SEMA4C: variants seen among roughly 807,000 people sequenced by gnomAD.
The protein encoded by SEMA4C is semaphorin-4C.
A neutral mutation model predicts 89.0 loss-of-function variants in SEMA4C; 19 were observed. The observed-to-expected ratio is 0.21, with a 90% CI of 0.15 to 0.31. The LOEUF (loss-of-function observed/expected upper bound fraction) is 0.31. SEMA4C is among the 10% of genes least tolerant of loss of function. The probability of loss-of-function intolerance (pLI) is 1.00; values close to 1 mark genes in which losing one functional copy is unlikely to be tolerated. For missense variants in SEMA4C, 811 were observed against 1,107.0 expected (o/e 0.73, Z 3.79); for synonymous variants, 428 against 472.7 (o/e 0.91, Z 1.23).
rs142388264 is a variant in SEMA4C, at chr2:96,865,011, C to T, written c.739G>A (p.Asp247Asn). ...GCCACCACCTGCTCGGCATAGCAGT[C>T]GGACTCCACTGCCCGCTCCCTGAAG... The part of the protein sequence containing the change: ...FFFRERAVES[D>N]CYAEQVVARV... Residue 247 changes from aspartate to asparagine, a missense_variant, in exon 8 of 15, where the codon GAC becomes AAC. Asp to Asn is a conservative substitution (Grantham distance 23). Around this residue, in one of 4 missense-constraint regions of SEMA4C, gnomAD observed 441 missense variants for 664.9 expected, o/e 0.66. Coordinates refer to ENST00000305476, the MANE Select transcript of SEMA4C (RefSeq NM_017789.5). 105 of 1,560,900 alleles carry T rather than the reference C, an allele frequency of 6.7e-5. No homozygotes were observed. Among genetic ancestry groups the T allele is most frequent in the Middle Eastern group, 1.7e-4 (1 of 6,024 alleles).
chr2:96,869,484 G>A (rs1045769006), intron 1 of SEMA4C: 587 of 985,200 alleles, frequency 6.0e-4, no homozygotes, highest in Non-Finnish European at 6.9e-4. Flanking sequence ...GCGGGCGGGG[G>A]GCCGCGGCAG....
chr2:96,868,842 C>A, intron 1 of SEMA4C: 9 of 985,398 alleles, frequency 9.1e-6, no homozygotes, highest in Non-Finnish European at 1.1e-5. Context: ...CTCTGACGAA[C>A]CTTCCCAACT....
chr2:96,869,641 T>G, intron 1 of SEMA4C: 1 of 984,878 alleles, frequency 1.0e-6, no homozygotes, highest in Non-Finnish European at 1.2e-6. Flanking sequence ...GGCGCGCCCC[T>G]CCGGCCCCGG....
intron 2 of SEMA4C, 167 bp from the exon 3 acceptor site, chr2:96,866,598 C>T (rs1224053861): frequency 3.3e-6 from 3 of 911,672 alleles, no homozygotes; most frequent in South Asian, 1.4e-5. Context: ...GACAGCCCCA[C>T]CTGGGCCTCC....
rs767572658 is a variant in SEMA4C, at chr2:96,864,947, G to A, written c.786+17C>T. On this transcript the variant is annotated intron_variant, in intron 8 of 14. Transcript: ENST00000305476. This position sits in a 1 kb window ranked among gnomAD's most constrained non-coding sequence, Gnocchi z 6.3. ...GCCAGCAGGGCTCCCAGGGCCCACC[G>A]CTGTGAGACTCGGTACCTTGCAGAC... 5 of 1,600,908 alleles carry A rather than the reference G, an allele frequency of 3.1e-6. No homozygotes were observed. The highest frequency in any genetic ancestry group is 2.3e-5 in the East Asian group (1 of 44,182).
chr2:96,869,498 A>T (rs1574159339), intron 1 of SEMA4C: 1 of 985,156 alleles, frequency 1.0e-6, no homozygotes, highest in Non-Finnish European at 1.2e-6. Context: ...GCGGCAGGGA[A>T]ATCCGATCCC....
At position 96,860,288 on chromosome 2, in the gene SEMA4C, G is replaced by GCACACA; in HGVS notation, c.*332_*337dup. ...CTATGCCACAAGCGCGCACGCGCGT[G>GCACACA]CACACACACATACACACACACACAA... On this transcript the variant is annotated 3_prime_UTR_variant, in exon 15 of 15. Coordinates refer to ENST00000305476, the MANE Select transcript of SEMA4C (RefSeq NM_017789.5). The GCACACA allele has an allele frequency of 3.3e-6, 1 of 299,838 alleles. No homozygotes were observed. Among genetic ancestry groups the GCACACA allele is most frequent in the Admixed American group, 4.9e-5 (1 of 20,442 alleles). 18.6% of individuals were successfully genotyped at this position (299,838 alleles called of 1,614,324 possible). A position where few individuals can be genotyped will look rare whatever the true frequency, so the allele number is the denominator to read the frequency against.
At position 96,861,490 on chromosome 2, in the gene SEMA4C, G is replaced by A. The variant is rs766602272; in HGVS notation, c.1673-35C>T. ...CAGAGAAAACAGAGTGCATGTTAGT[G>A]CAGGAAAGCAGGGCTGGGGAAGAGG... On this transcript the variant is annotated intron_variant, in intron 14 of 14. Coordinates refer to ENST00000305476, the MANE Select transcript of SEMA4C (RefSeq NM_017789.5). The surrounding 1 kb of genome is among the most constrained non-coding windows in gnomAD (Gnocchi z 7.8). 40 of 1,610,234 alleles carry A rather than the reference G, an allele frequency of 2.5e-5. No individual in the cohort carries two copies. The Middle Eastern group carries it at 4.9e-4, about 20-fold the overall frequency.
chr2:96,864,167 G>GGGC lies in SEMA4C; in HGVS notation c.1108-22_1108-20dup, dbSNP rs762949622. On this transcript the variant is annotated intron_variant, in intron 10 of 14. Coordinates refer to ENST00000305476, the MANE Select transcript of SEMA4C (RefSeq NM_017789.5). The surrounding 1 kb of genome is among the most constrained non-coding windows in gnomAD (Gnocchi z 6.3). ...TAATGCACTGGGGGCAGGGTGTGGG[G>GGGC]GGCAGGCCATCAGCAGGGTGGGATG... 6.2e-7 allele frequency: 1 copy of GGGC among 1,612,744 alleles called. No individual in the cohort carries two copies. Among genetic ancestry groups the GGGC allele is most frequent in the Admixed American group, 1.7e-5 (1 of 60,022 alleles).
At chr2:96,863,297 C>T in intron 12 of SEMA4C, 5 of 1,025,358 alleles carry the variant, frequency 4.9e-6, no homozygotes, top group Non-Finnish European at 5.9e-6. Flanking sequence ...GAAGGAAAAC[C>T]ACCATGGTGA....
At chr2:96,866,533 C>G in intron 2 of SEMA4C, 102 bp from the exon 3 acceptor site, 2 of 1,494,268 alleles carry the variant, frequency 1.3e-6, no homozygotes, top group Non-Finnish European at 9.3e-7. Flanking sequence ...AAGCAGATGC[C>G]AGCCAAACCC....
chr2:96,866,183 T>A, intron 3 of SEMA4C, 100 bp downstream of exon 3: 1 of 1,487,792 alleles, frequency 6.7e-7, no homozygotes, highest in Non-Finnish European at 9.0e-7. Context: ...GCAGCACTTC[T>A]GTGGGGGCAG....
rs1269702867 is a variant in SEMA4C at position 96,866,316 on chromosome 2, G to A, written c.225C>T (p.Ala75=). Residue 75 remains alanine (A), a synonymous_variant, in exon 3 of 15, where the codon GCC becomes GCT. Transcript: ENST00000305476. ...GCAGCTCCAGGGCCTCCATGCTGAA[G>A]GCAAACAGGGCCTCTCGGGCGCCCA... ...LYVGAREALF[A]FSMEALELQG... 2.5e-6 allele frequency: 4 copies of A among 1,612,722 alleles called. No individual in the cohort carries two copies. The highest frequency in any genetic ancestry group is 2.5e-6 in the Non-Finnish European group (3 of 1,179,006).
At position 96,860,383 on chromosome 2, in the gene SEMA4C, C is replaced by A. The variant is rs1001746850; in HGVS notation, c.*243G>T. 4 of 512,486 alleles carry A rather than the reference C, an allele frequency of 7.8e-6. No homozygotes were observed. The highest frequency in any genetic ancestry group is 1.4e-5 in the Non-Finnish European group (4 of 291,928). 31.7% of individuals were successfully genotyped at this position (512,486 alleles called of 1,614,324 possible). A position where few individuals can be genotyped will look rare whatever the true frequency, so the allele number is the denominator to read the frequency against. ...CTTGAAAAGTTTTGGCGGCTGGGGT[C>A]CCGCGTGTCTGTGATTCACAGAGAG... On this transcript the variant is annotated 3_prime_UTR_variant, in exon 15 of 15. Coordinates refer to ENST00000305476, the MANE Select transcript of SEMA4C (RefSeq NM_017789.5).
chr2:96,864,348 G>C lies in SEMA4C; in HGVS notation c.997C>G (p.Gln333Glu). ...AACACCCGCTGGATCTCTTCCAACT[G>C]GTACTCACAGATGGCCGACAGGTAC... ...DMYLSAICEY[Q>E]LEEIQRVFEG... Residue 333 changes from glutamine to glutamate, a missense_variant, in exon 10 of 15, where the codon CAG (glutamine) becomes GAG (glutamate). Transcript: ENST00000305476. The surrounding 1 kb of genome is among the most constrained non-coding windows in gnomAD (Gnocchi z 6.3). 1 of 1,613,908 alleles carries C rather than the reference G, an allele frequency of 6.2e-7. No homozygotes were observed. Among genetic ancestry groups the C allele is most frequent in the Non-Finnish European group, 8.5e-7 (1 of 1,180,010 alleles).
At chr2:96,868,320 C>T (rs996994187) in intron 1 of SEMA4C, 2 of 714,564 alleles carry the variant, frequency 2.8e-6, no homozygotes, top group Non-Finnish European at 3.6e-6. Flanking sequence ...ACTGGGGCTC[C>T]GGACCCTGCC....
intron 1 of SEMA4C, 193 bp downstream of exon 1, chr2:96,869,683 C>T (rs2080164630): frequency 2.0e-6 from 2 of 985,202 alleles, no homozygotes; most frequent in Admixed American, 6.1e-5. Context: ...GTGCGCCCCA[C>T]TCCCGAGACC....
chr2:96,860,733 G>A lies in SEMA4C; in HGVS notation c.2395C>T (p.Arg799Trp), dbSNP rs758051087. 5.6e-6 allele frequency: 9 copies of A among 1,613,662 alleles called. No homozygotes were observed. Among genetic ancestry groups the A allele is most frequent in the Admixed American group, 3.3e-5 (2 of 60,000 alleles). Residue 799 changes from arginine to tryptophan, a missense_variant, in exon 15 of 15, where the codon CGG (arginine) becomes TGG (tryptophan). By Grantham distance (101) the Arg-to-Trp change is moderately radical. Transcript: ENST00000305476. ...GGCAGGGGGTGCCCGAGCCCTCCCC[G>A]GTCCTCCCCTCCTAGTTGTAAGCGC... Reference protein sequence around the residue: ...YVRLQLGGEDRGGLGHPLPEL... With the variant: ...YVRLQLGGEDWGGLGHPLPEL...
rs760693563 is a variant in SEMA4C, at chr2:96,861,178, C to T, written c.1950G>A (p.Ser650=). 13 of 1,609,548 alleles carry T rather than the reference C, an allele frequency of 8.1e-6. No individual in the cohort carries two copies. The highest frequency in any genetic ancestry group is 4.5e-5 in the East Asian group (2 of 44,884). Residue 650 remains serine (S), a synonymous_variant, in exon 15 of 15, where the codon TCG becomes TCA. Coordinates refer to ENST00000305476, the MANE Select transcript of SEMA4C (RefSeq NM_017789.5). The surrounding 1 kb of genome is among the most constrained non-coding windows in gnomAD (Gnocchi z 7.8). ...GGGGGGCCCGGGCCTCCAAGGTCAC[C>T]GACGGGCCTGCCACGACAGCCACAA... is the stretch of plus-strand genomic sequence containing the variant. ...GYLVAVVAGP[S]VTLEARAPLE...
Sources: allele counts gnomAD v4.1 joint callset, GRCh38; gene constraint gnomAD v4.1.1; regional missense constraint gnomAD v4.1.1; non-coding constraint Gnocchi (gnomAD v3.1); transcripts MANE v1.5; gene names NCBI Gene and HGNC (gene_info 2026-07-23, HGNC 2026-07-21).